IL15: variants seen among roughly 807,000 people sequenced by gnomAD.
IL15 encodes the protein interleukin-15.
IL15 carries 11 observed loss-of-function variants against 19.6 expected under a neutral mutation model. The ratio of observed to expected loss-of-function variants is 0.56; its 90% CI spans 0.35 to 0.93. IL15 has a LOEUF of 0.93. IL15 is among the 40% of genes least tolerant of loss of function. IL15 has a pLI of 0.01. For synonymous variants in IL15, 58 were observed against 59.6 expected (o/e 0.97, Z 0.12); for missense variants, 197 against 186.5 (o/e 1.06, Z -0.33).
intron 2 of IL15, among the ~76,000 whole-genome samples, chr4:141,689,921 G>A (rs945647779): frequency 3.9e-5 from 6 of 152,308 alleles, no homozygotes; most frequent in Non-Finnish European, 7.4e-5. Context: ...GGTGCTCATC[G>A]GGGAGGCTCG....
chr4:141,666,326 G>A (rs1049232149), intron 2 of IL15, among the ~76,000 whole-genome samples: 9 of 151,902 alleles, frequency 5.9e-5, no homozygotes, highest in African/African-American at 2.2e-4. Context: ...CGGATCACGA[G>A]GTCAGGAGAT....
At chr4:141,653,891 T>C (rs1224386257) in intron 1 of IL15, among the ~76,000 whole-genome samples, 6 of 152,224 alleles carry the variant, frequency 3.9e-5, no homozygotes, top group African/African-American at 1.2e-4. Context: ...AAGGGTTCTA[T>C]AGTTAAATAA....
intron 7 of IL15, among the ~76,000 whole-genome samples, chr4:141,731,759 G>A (rs2152194516): frequency 6.6e-6 from 1 of 152,352 alleles, no homozygotes; most frequent in African/African-American, 2.4e-5. Flanking sequence ...CATAGAGGAT[G>A]TGCTTGATAA....
chr4:141,685,065 T>A (rs114850633), intron 2 of IL15, among the ~76,000 whole-genome samples: 1,638 of 152,276 alleles, frequency 0.011, 30 homozygotes, highest in East Asian at 0.075. Flanking sequence ...AGTCATTCGA[T>A]GATTCAAATC....
intron 2 of IL15, chr4:141,689,162 A>C (rs905430817): frequency 6.5e-6 from 1 of 153,054 alleles, no homozygotes; most frequent in Admixed American, 6.5e-5. Flanking sequence ...TCATAAAAGC[A>C]GTGTGGACCC....
chr4:141,681,817 G>A (rs144095679), intron 2 of IL15, among the ~76,000 whole-genome samples: 1 of 152,114 alleles, frequency 6.6e-6, no homozygotes, highest in Non-Finnish European at 1.5e-5. Context: ...TCGTTAATTG[G>A]CTTGACTAAG....
chr4:141,677,378 A>C (rs1235811052), intron 2 of IL15, among the ~76,000 whole-genome samples: 1 of 152,178 alleles, frequency 6.6e-6, no homozygotes, highest in African/African-American at 2.4e-5. Flanking sequence ...AGCTTGCTTT[A>C]TTGTAAGAAT....
intron 2 of IL15, among the ~76,000 whole-genome samples, chr4:141,670,006 C>T (rs1728116932): frequency 2.0e-5 from 3 of 151,196 alleles, no homozygotes; most frequent in South Asian, 4.2e-4. Flanking sequence ...TAAATATTTA[C>T]ATTGAAAGTG....
chr4:141,662,340 A>G (rs973026100), intron 2 of IL15, among the ~76,000 whole-genome samples: 3 of 152,236 alleles, frequency 2.0e-5, no homozygotes, highest in Non-Finnish European at 4.4e-5. Flanking sequence ...TATAAGCCTT[A>G]AAGCTGTGAT....
intron 2 of IL15, among the ~76,000 whole-genome samples, chr4:141,693,100 C>T (rs1234836709): frequency 7.0e-6 from 1 of 143,404 alleles, no homozygotes; most frequent in East Asian, 2.3e-4. Context: ...ACTCACATTT[C>T]TACGTGGCTG....
chr4:141,651,702 C>T lies in IL15; in HGVS notation c.-221-4484C>T, dbSNP rs79271058. Among the ~76,000 whole-genome samples, 908 of 146,172 alleles carry T rather than the reference C, an allele frequency of 6.2e-3. 7 individuals carry two copies. The highest frequency in any genetic ancestry group is 0.023 in the African/African-American group (843 of 35,962). On this transcript the variant is annotated intron_variant, in intron 1 of 7. Coordinates refer to ENST00000320650, the MANE Select transcript of IL15 (RefSeq NM_000585.5). ...ATTGTATTCCAACCCGGATGATATACATATATATTCGGTAAGATTTTTCAA... is the reference window on the plus strand; with the variant it reads ...ATTGTATTCCAACCCGGATGATATATATATATATTCGGTAAGATTTTTCAA...
chr4:141,661,724 C>A (rs533905142), intron 2 of IL15, among the ~76,000 whole-genome samples: 1 of 152,304 alleles, frequency 6.6e-6, no homozygotes, highest in South Asian at 2.1e-4. Context: ...TTGTGTACCG[C>A]TGTGCACTTA....
chr4:141,706,367 T>A (rs1269737088), intron 2 of IL15, among the ~76,000 whole-genome samples: 1 of 152,136 alleles, frequency 6.6e-6, no homozygotes, highest in Non-Finnish European at 1.5e-5. Flanking sequence ...ATTTGTTTCC[T>A]TAATTTACTT....
At chr4:141,731,659 G>A (rs1730457392) in intron 7 of IL15, among the ~76,000 whole-genome samples, 1 of 152,170 alleles carries the variant, frequency 6.6e-6, no homozygotes, top group Non-Finnish European at 1.5e-5. Flanking sequence ...TATGTCAGTT[G>A]AGATGAGTCA....
At chr4:141,690,167 A>AGCCCAT (rs1728862182) in intron 2 of IL15, among the ~76,000 whole-genome samples, 1 of 152,180 alleles carries the variant, frequency 6.6e-6, no homozygotes, top group South Asian at 2.1e-4. Flanking sequence ...TGGCCCACCA[A>AGCCCAT]GCCCATGCCC....
At chr4:141,701,693 C>T (rs921805892) in intron 2 of IL15, among the ~76,000 whole-genome samples, 4 of 152,124 alleles carry the variant, frequency 2.6e-5, no homozygotes, top group African/African-American at 9.7e-5. Context: ...GGATCCCAGC[C>T]TTGATGAAGG....
At position 141,733,040 on chromosome 4, in the gene IL15, A is replaced by G; in HGVS notation, c.*192A>G. On this transcript the variant is annotated 3_prime_UTR_variant, in exon 8 of 8. Coordinates refer to ENST00000320650, the MANE Select transcript of IL15 (RefSeq NM_000585.5). ...AATGTCATTGAGTAATATAGTGACT[A>G]TGAACTTCTCTCAGACTTACTTTAC... 4.5e-6 allele frequency: 3 copies of G among 667,378 alleles called. No individual in the cohort carries two copies. Among genetic ancestry groups the G allele is most frequent in the South Asian group, 8.5e-5 (2 of 23,582 alleles). The allele number at this position is 667,378 out of a possible 1,614,324, so 41.3% of individuals were successfully genotyped here. A position where few individuals can be genotyped will look rare whatever the true frequency, so the allele number is the denominator to read the frequency against.
intron 1 of IL15, among the ~76,000 whole-genome samples, chr4:141,650,700 T>A (rs777006060): frequency 7.2e-5 from 11 of 152,058 alleles, no homozygotes; most frequent in Non-Finnish European, 1.6e-4. Flanking sequence ...AATCTGGTGG[T>A]TCAGGAAACC....
intron 1 of IL15, among the ~76,000 whole-genome samples, chr4:141,655,289 A>C (rs1033876615): frequency 6.6e-6 from 1 of 152,124 alleles, no homozygotes; most frequent in Non-Finnish European, 1.5e-5. Flanking sequence ...CAAGAAAAAG[A>C]AAATGTTCTT....
Sources: allele counts gnomAD v4.1 joint callset (sites outside exome capture counted in the v4.1 genomes callset), GRCh38; gene constraint gnomAD v4.1.1; transcripts MANE v1.5; gene names NCBI Gene and HGNC (gene_info 2026-07-23, HGNC 2026-07-21).